Variants in MACROD2 observed in about 807,000 individuals in gnomAD.
The protein encoded by MACROD2 is mono-ADP ribosylhydrolase 2, also known as ADP-ribose glycohydrolase MACROD2.
Under a neutral mutation model 70.4 loss-of-function variants are expected in MACROD2, and 36 were observed. The observed-to-expected ratio is 0.51, with a 90% confidence interval of 0.39 to 0.68. The LOEUF is 0.68. Among genes scored for constraint, MACROD2 ranks in the 30% least tolerant of loss-of-function variants. MACROD2 has a pLI of 0.00. For synonymous variants in MACROD2, 172 were observed against 178.8 expected (o/e 0.96, Z 0.30); for missense variants, 496 against 538.4 (o/e 0.92, Z 0.78).
chr20:15,830,956 A>G (rs1326903546), intron 8 of MACROD2, among the ~76,000 whole-genome samples: 1 of 152,212 alleles, frequency 6.6e-6, no homozygotes, highest in Non-Finnish European at 1.5e-5. Flanking sequence ...GTTCAGGGAA[A>G]GGCCTTTGTT....
chr20:15,503,877 A>G (rs773674226), intron 8 of MACROD2, among the ~76,000 whole-genome samples: 5 of 152,200 alleles, frequency 3.3e-5, no homozygotes, highest in Non-Finnish European at 5.9e-5. Flanking sequence ...AGAGGAATCT[A>G]TGTAATGTGA....
At chr20:14,611,510 CA>C (rs1278190472) in intron 4 of MACROD2, among the ~76,000 whole-genome samples, 2 of 138,960 alleles carry the variant, frequency 1.4e-5, no homozygotes, top group Admixed American at 1.5e-4. Context: ...ATCTCATCGT[CA>C]AGTAGAAACA....
chr20:15,189,598 C>T (rs1331086082), intron 5 of MACROD2, among the ~76,000 whole-genome samples: 1 of 152,126 alleles, frequency 6.6e-6, no homozygotes, highest in Non-Finnish European at 1.5e-5. Flanking sequence ...GCTAGTGTGT[C>T]CCTCCTTTTT....
intron 4 of MACROD2, among the ~76,000 whole-genome samples, chr20:14,612,075 C>T (rs954483719): frequency 2.6e-5 from 4 of 152,052 alleles, no homozygotes; most frequent in Admixed American, 2.0e-4. Flanking sequence ...TTTAAAAATA[C>T]TGGGCTCTAT....
At chr20:14,978,862 T>A (rs904305289) in intron 5 of MACROD2, among the ~76,000 whole-genome samples, 51 of 131,722 alleles carry the variant, frequency 3.9e-4, no homozygotes, top group Non-Finnish European at 5.0e-4. Flanking sequence ...TATATATATA[T>A]AATATATTAT....
chr20:15,876,529 T>G (rs2064676952), intron 9 of MACROD2, among the ~76,000 whole-genome samples: 1 of 152,092 alleles, frequency 6.6e-6, no homozygotes, highest in Non-Finnish European at 1.5e-5. Context: ...GACATTTGGG[T>G]TGGTTCCAAG....
chr20:14,401,777 A>G (rs150728851), intron 3 of MACROD2, among the ~76,000 whole-genome samples: 101 of 146,734 alleles, frequency 6.9e-4, no homozygotes, highest in African/African-American at 2.3e-3. Flanking sequence ...GTCTGCCATC[A>G]TATACTTTAG....
intron 6 of MACROD2, among the ~76,000 whole-genome samples, chr20:15,239,481 C>A (rs909246780): frequency 6.6e-6 from 1 of 151,966 alleles, no homozygotes; most frequent in Non-Finnish European, 1.5e-5. Flanking sequence ...CAAAACTGTG[C>A]AAAGTGAAAT....
At chr20:14,918,414 C>T (rs565353294) in intron 5 of MACROD2, among the ~76,000 whole-genome samples, 1 of 151,962 alleles carries the variant, frequency 6.6e-6, no homozygotes, top group Admixed American at 6.6e-5. Context: ...GGTAAGGTAC[C>T]ATCCAGGCAA....
At chr20:14,569,837 A>G (rs1980066524) in intron 4 of MACROD2, among the ~76,000 whole-genome samples, 1 of 152,004 alleles carries the variant, frequency 6.6e-6, no homozygotes, top group Non-Finnish European at 1.5e-5. Flanking sequence ...GAAACCAACC[A>G]TAGAAAATGC....
At chr20:15,084,077 T>TTTTTTTTTTTTTTTTG (rs1555780896) in intron 5 of MACROD2, among the ~76,000 whole-genome samples, 5 of 145,706 alleles carry the variant, frequency 3.4e-5, no homozygotes, top group African/African-American at 1.0e-4. Context: ...TTTTTGTTTT[T>TTTTTTTTTTTTTTTTG]TTTTTTTAAT....
At chr20:14,234,005 C>A (rs8124679) in intron 3 of MACROD2, among the ~76,000 whole-genome samples, 25,492 of 152,022 alleles carry the variant, frequency 0.17, 3,120 homozygotes, top group African/African-American at 0.34. Flanking sequence ...TTTGCAAAAC[C>A]CGCAGAGCTG....
At chr20:14,142,519 T>A (rs2054889955) in intron 3 of MACROD2, among the ~76,000 whole-genome samples, 1 of 152,212 alleles carries the variant, frequency 6.6e-6, no homozygotes, top group African/African-American at 2.4e-5. Context: ...TCTGGCTTGT[T>A]AGCAGAGTGC....
chr20:14,485,352 G>A (rs947639387), intron 3 of MACROD2, among the ~76,000 whole-genome samples: 7 of 152,104 alleles, frequency 4.6e-5, no homozygotes, highest in African/African-American at 9.7e-5. Context: ...TTTATGTTGC[G>A]TGGCAAATTT....
chr20:15,156,873 G>A (rs1011694134), intron 5 of MACROD2, among the ~76,000 whole-genome samples: 28 of 152,182 alleles, frequency 1.8e-4, no homozygotes, highest in African/African-American at 6.5e-4. Flanking sequence ...TTTTCCCCAT[G>A]CTTTTCTCTG....
intron 6 of MACROD2, among the ~76,000 whole-genome samples, chr20:15,237,253 TAGA>T (rs2077021704): frequency 6.6e-6 from 1 of 152,198 alleles, no homozygotes; most frequent in Admixed American, 6.5e-5. Context: ...TTAGTTTGCT[TAGA>T]ACTTTACCAA....
intron 5 of MACROD2, among the ~76,000 whole-genome samples, chr20:14,943,695 A>C (rs2122713553): frequency 6.6e-6 from 1 of 152,334 alleles, no homozygotes; most frequent in Admixed American, 6.5e-5. Context: ...AGTTTTGGAA[A>C]GGATTATTTA....
intron 10 of MACROD2, among the ~76,000 whole-genome samples, chr20:15,932,124 T>C (rs1267895072): frequency 6.6e-6 from 1 of 152,090 alleles, no homozygotes; most frequent in East Asian, 1.9e-4. Flanking sequence ...CTCAGCTGCA[T>C]TTGGTTGGCA....
At chr20:14,175,970 C>G (rs1288331111) in intron 3 of MACROD2, among the ~76,000 whole-genome samples, 1 of 152,132 alleles carries the variant, frequency 6.6e-6, no homozygotes, top group Non-Finnish European at 1.5e-5. Flanking sequence ...TCATGCATTA[C>G]TTATTAAAAT....
Sources: gnomAD v4.1 joint callset for allele counts (sites outside exome capture counted in the v4.1 genomes callset) on GRCh38, gnomAD v4.1.1 for gene constraint, MANE v1.5 for transcripts, NCBI Gene and HGNC (gene_info 2026-07-23, HGNC 2026-07-21) for gene names.